The following MTMR11 variants were observed in gnomAD, a reference collection of about 807,000 sequenced individuals.
MTMR11 encodes myotubularin related protein 11.
MTMR11 carries 89 observed loss-of-function variants against 100.0 expected under a neutral mutation model. That is an observed-to-expected ratio of 0.89 (90% CI 0.75 to 1.06). MTMR11 has a LOEUF of 1.06. Ranked by LOEUF, MTMR11 falls within the 50% of genes least tolerant of loss-of-function variation. The probability of loss-of-function intolerance (pLI) is 0.00; values close to 1 mark genes in which losing one functional copy is unlikely to be tolerated. For missense variants in MTMR11, 809 were observed against 873.7 expected (o/e 0.93, Z 0.93); for synonymous variants, 336 against 326.3 (o/e 1.03, Z -0.32).
rs1559804113 is a variant in MTMR11, at chr1:149,930,824, T to C, written c.1432A>G (p.Thr478Ala). The C allele has an allele frequency of 6.3e-7, 1 of 1,594,158 alleles. No individual in the cohort carries two copies. The highest frequency in any genetic ancestry group is 8.5e-7 in the Non-Finnish European group (1 of 1,173,490). The change falls in exon 14 of 17, where the codon ACC (threonine) becomes GCC (alanine). Residue 478 changes from threonine (T) to alanine (A), a missense_variant. By Grantham distance (58) the Thr-to-Ala change is moderately conservative. Transcript: ENST00000439741. ...CTCTGCTTTCCGCGCTCCCAGGGGG[T>C]ATTTCTCAGGAAGGTAAGGGTGTCA... ...VPDTLTFLRNTPWERGKQSGQ... is the reference protein window; with the variant it reads ...VPDTLTFLRNAPWERGKQSGQ...
Position 149,935,282 on chromosome 1 carries a change from ACCC to A in MTMR11, c.325+14_325+16del, listed in dbSNP as rs3214801. Reference sequence around the variant, plus strand: ...CAACCCCAGTGAACCCCTTCACCAAACCCCCCCCCAACTTACCAGCCTCTAATC... The same window carrying A: ...CAACCCCAGTGAACCCCTTCACCAAACCCCCCAACTTACCAGCCTCTAATC... On this transcript the variant is annotated intron_variant, in intron 4 of 16. Coordinates refer to ENST00000439741, the MANE Select transcript of MTMR11 (RefSeq NM_001145862.2). The A allele has an allele frequency of 6.7e-7, 1 of 1,493,252 alleles. No individual in the cohort carries two copies. Among genetic ancestry groups the A allele is most frequent in the Non-Finnish European group, 9.1e-7 (1 of 1,094,236 alleles). 92.5% of individuals were successfully genotyped at this position (1,493,252 alleles called of 1,614,324 possible).
chr1:149,929,251 G>A lies in MTMR11; in HGVS notation c.2008C>T (p.Arg670Trp), dbSNP rs782147717. 8.1e-6 allele frequency: 13 copies of A among 1,614,036 alleles called. No individual in the cohort carries two copies. In the East Asian group the frequency reaches 8.9e-5, roughly 11 times the overall value. The change falls in exon 17 of 17, where the codon CGG becomes TGG. Residue 670 changes from arginine (R) to tryptophan (W), a missense_variant. Transcript: ENST00000439741. Reference protein sequence around the residue: ...DELSHLQELLRKWTPRISPED... With the variant: ...DELSHLQELLWKWTPRISPED... ...GGAGATATTCTTGGTGTCCATTTCC[G>A]TAATAACTCCTGAAGATGGGATAGC...
At chr1:149,929,581 T>TC in intron 16 of MTMR11, 42 bp downstream of exon 16, 2 of 1,571,218 alleles carry the variant, frequency 1.3e-6, no homozygotes, top group Non-Finnish European at 8.6e-7. Flanking sequence ...TTCAGCAGAG[T>TC]CAAGTCCCTT....
chr1:149,932,679 C>T (rs1422165243), intron 10 of MTMR11, among the ~76,000 whole-genome samples: 1 of 152,092 alleles, frequency 6.6e-6, no homozygotes, highest in Non-Finnish European at 1.5e-5. Context: ...GGCACGACGG[C>T]TTGTGCCTGT....
At position 149,932,339 on chromosome 1, in the gene MTMR11, G is replaced by A. The variant is rs1553767867; in HGVS notation, c.986-9C>T. On this transcript the variant is annotated splice_polypyrimidine_tract_variant and intron_variant, in intron 10 of 16. Transcript: ENST00000439741. ...CTCAGCTACAGATGAATCTGATAGA[G>A]GGTAGAAAGATCAGAAGGGCAAGAG... The A allele has an allele frequency of 6.2e-7, 1 of 1,609,850 alleles. No individual in the cohort carries two copies. Among genetic ancestry groups the A allele is most frequent in the African/African-American group, 1.3e-5 (1 of 74,970 alleles).
intron 16 of MTMR11, 101 bp from the exon 17 acceptor site, chr1:149,929,418 G>C (rs1346045845): frequency 1.6e-6 from 2 of 1,270,506 alleles, no homozygotes; most frequent in East Asian, 2.3e-5. Flanking sequence ...TCCCCTTTCA[G>C]CTATGCCCTA....
chr1:149,932,806 C>A (rs1177428078), intron 10 of MTMR11, among the ~76,000 whole-genome samples: 4 of 151,968 alleles, frequency 2.6e-5, no homozygotes, highest in Admixed American at 2.6e-4. Context: ...CAAAAATTAG[C>A]CAGGCATGGT....
At chr1:149,929,565 A>G in intron 16 of MTMR11, 58 bp downstream of exon 16, 3 of 1,537,588 alleles carry the variant, frequency 2.0e-6, no homozygotes, top group Non-Finnish European at 1.8e-6. Context: ...GCTCCTGTTC[A>G]TCTGGTTCAG....
At chr1:149,930,720 A>C (rs2092647026) in intron 14 of MTMR11, 72 bp downstream of exon 14, 2 of 1,474,324 alleles carry the variant, frequency 1.4e-6, no homozygotes, top group South Asian at 2.8e-5. Context: ...TCATAAAACA[A>C]ATCAAGACCA....
chr1:149,936,448 G>C, intron 1 of MTMR11, 134 bp downstream of exon 1: 1 of 1,369,956 alleles, frequency 7.3e-7, no homozygotes, highest in African/African-American at 1.5e-5. Context: ...AGACGGACCA[G>C]GCTCCATCAG....
Position 149,931,358 on chromosome 1 carries a change from G to C in MTMR11, c.1192C>G (p.Arg398Gly). The change falls in exon 13 of 17, where the codon CGA becomes GGA. Residue 398 changes from arginine to glycine, a missense_variant. Coordinates refer to ENST00000439741, the MANE Select transcript of MTMR11 (RefSeq NM_001145862.2). ...LVQLLSAPEA[R>G]TLFGFQSLVQ... is the part of the protein sequence containing the mutation. The stretch of plus-strand genomic sequence containing the variant: ...AGTGATTGGAAGCCAAACAGTGTTC[G>C]GGCTTCGGGGGCTGAAAGCAGCTGG... 1.2e-6 allele frequency: 2 copies of C among 1,613,902 alleles called. No homozygotes were observed. The highest frequency in any genetic ancestry group is 2.2e-5 in the East Asian group (1 of 44,872).
rs587625914 is a variant in MTMR11, at chr1:149,933,698, G to A, written c.772C>T (p.Arg258Cys). 61 of 1,614,104 alleles carry A rather than the reference G, an allele frequency of 3.8e-5. No homozygotes were observed. Among genetic ancestry groups the A allele is most frequent in the Admixed American group, 1.0e-4 (6 of 60,024 alleles). Residue 258 changes from arginine (R) to cysteine (C), a missense_variant and splice_region_variant, in exon 9 of 17, where the codon CGC (arginine) becomes TGC (cysteine). Physicochemically the swap from Arg to Cys is radical, Grantham distance 180. Coordinates refer to ENST00000439741, the MANE Select transcript of MTMR11 (RefSeq NM_001145862.2). ...CCCCCAGGGTGATGCCAGGACAAGC[G>A]CTTCACATGGGGCAGAAGAGGGTCA... The part of the protein sequence containing the change: ...FGHFHQGRGP[R>C]LSWHHPGGSD...
Position 149,933,596 on chromosome 1 carries a change from C to G in MTMR11, c.860+14G>C, listed in dbSNP as rs782313649. 12 of 1,614,178 alleles carry G rather than the reference C, an allele frequency of 7.4e-6. No individual in the cohort carries two copies. The highest frequency in any genetic ancestry group is 1.0e-5 in the Non-Finnish European group (12 of 1,180,018). On this transcript the variant is annotated intron_variant, in intron 9 of 16. Coordinates refer to ENST00000439741, the MANE Select transcript of MTMR11 (RefSeq NM_001145862.2). The stretch of plus-strand genomic sequence containing the variant: ...GCACCTAACCCTTGATTCTTCTCAT[C>G]AAGCCTCCCTCACCTGATATCCTCC...
chr1:149,932,993 C>T (rs1321211065), intron 10 of MTMR11, among the ~76,000 whole-genome samples: 2 of 145,712 alleles, frequency 1.4e-5, no homozygotes, highest in Non-Finnish European at 3.0e-5. Context: ...TCACTCTTGT[C>T]GCCCAGGCTG....
intron 16 of MTMR11, 58 bp downstream of exon 16, chr1:149,929,565 A>C (rs2092627557): frequency 1.3e-6 from 2 of 1,537,470 alleles, no homozygotes; most frequent in Admixed American, 4.0e-5. Flanking sequence ...GCTCCTGTTC[A>C]TCTGGTTCAG....
rs2092707179 is a variant in MTMR11, at chr1:149,935,215, C to A, written c.325+84G>T. The A allele has an allele frequency of 1.9e-6, 3 of 1,606,694 alleles. No individual in the cohort carries two copies. The Admixed American group carries it at 5.0e-5, about 27-fold the overall frequency. On this transcript the variant is annotated intron_variant, in intron 4 of 16. Transcript: ENST00000439741. ...TGCAGCCCATCCCACTCCATCCCTGCTGTTTTCTGAGAACAGAGGAAGGAT... is the reference window on the plus strand; with the variant it reads ...TGCAGCCCATCCCACTCCATCCCTGATGTTTTCTGAGAACAGAGGAAGGAT...
chr1:149,931,310 C>T lies in MTMR11; in HGVS notation c.1240G>A (p.Ala414Thr), dbSNP rs1553767592. 6.2e-7 allele frequency: 1 copy of T among 1,614,162 alleles called. No homozygotes were observed. Among genetic ancestry groups the T allele is most frequent in the South Asian group, 1.1e-5 (1 of 91,076 alleles). ...QSLVQREWVA[A>T]GHPFLTRLGG... is the part of the protein sequence containing the mutation. ...AGCCGAGTCAGGAAGGGATGTCCAG[C>T]TGCCACCCACTCTCGCTGTACTAGT... Residue 414 changes from alanine to threonine, a missense_variant, in exon 13 of 17, where the codon GCT (alanine) becomes ACT (threonine). Transcript: ENST00000439741.
At position 149,931,336 on chromosome 1, in the gene MTMR11, G is replaced by C. The variant is rs1553767612; in HGVS notation, c.1214C>G (p.Ser405Ter). The stretch of plus-strand genomic sequence containing the variant: ...TGCCACCCACTCTCGCTGTACTAGT[G>C]ATTGGAAGCCAAACAGTGTTCGGGC... ...PEARTLFGFQ[S>*]LVQREWVAAG... is the part of the protein sequence containing the mutation. The change falls in exon 13 of 17, where the codon TCA (serine) becomes TGA (stop). Residue 405 changes from serine (S) to a stop codon, truncating the protein, a stop_gained. Coordinates refer to ENST00000439741, the MANE Select transcript of MTMR11 (RefSeq NM_001145862.2). LOFTEE classifies it high-confidence loss of function. 3 of 1,613,988 alleles carry C rather than the reference G, an allele frequency of 1.9e-6. No homozygotes were observed.
At position 149,931,331 on chromosome 1, in the gene MTMR11, C is replaced by T. The variant is rs1553767605; in HGVS notation, c.1219G>A (p.Val407Ile). ...ARTLFGFQSL[V>I]QREWVAAGHP... Reference sequence around the variant, plus strand: ...CCAGCTGCCACCCACTCTCGCTGTACTAGTGATTGGAAGCCAAACAGTGTT... The same window carrying T: ...CCAGCTGCCACCCACTCTCGCTGTATTAGTGATTGGAAGCCAAACAGTGTT... The change falls in exon 13 of 17, where the codon GTA (valine) becomes ATA (isoleucine). Residue 407 changes from valine to isoleucine, a missense_variant. Coordinates refer to ENST00000439741, the MANE Select transcript of MTMR11 (RefSeq NM_001145862.2). 1 of 1,614,064 alleles carries T rather than the reference C, an allele frequency of 6.2e-7. No homozygotes were observed. The highest frequency in any genetic ancestry group is 8.5e-7 in the Non-Finnish European group (1 of 1,180,004).
Sources: allele counts gnomAD v4.1 joint callset (sites outside exome capture counted in the v4.1 genomes callset), GRCh38; gene constraint gnomAD v4.1.1; transcripts MANE v1.5; gene names NCBI Gene and HGNC (gene_info 2026-07-23, HGNC 2026-07-21).